The following TMEM89 variants were observed in gnomAD, a reference collection of about 807,000 sequenced individuals.
The protein encoded by TMEM89 is transmembrane protein 89.
In TMEM89, 4 loss-of-function variants were observed where a neutral mutation model predicts 9.3. That is an observed-to-expected ratio of 0.43 (90% confidence interval 0.21 to 0.98). TMEM89 has a LOEUF of 0.98. Among genes scored for constraint, TMEM89 ranks in the 50% least tolerant of loss-of-function variants. The pLI, the probability that TMEM89 is intolerant of heterozygous loss-of-function variation, is 0.27. For synonymous variants in TMEM89, 96 were observed against 92.5 expected (o/e 1.04, Z -0.21); for missense variants, 220 against 214.7 (o/e 1.02, Z -0.15).
rs555650531 is a variant in TMEM89, at chr3:48,621,497, T to G, written c.260A>C (p.Gln87Pro). Residue 87 changes from glutamine (Q) to proline (P), a missense_variant, in exon 1 of 2, where the codon CAG becomes CCG. Transcript: ENST00000330862. The part of the protein sequence containing the change: ...TMLMICRKIL[Q>P]GRRRSQATKG... Reference sequence around the variant, plus strand: ...GGTGGCCTGTGAGCGCCGCCGCCCCTGCAGTATCTTGCGGCAGATCATCAG... The same window carrying G: ...GGTGGCCTGTGAGCGCCGCCGCCCCGGCAGTATCTTGCGGCAGATCATCAG... The G allele has an allele frequency of 1.9e-6, 3 of 1,613,808 alleles. No homozygotes were observed. The highest frequency in any genetic ancestry group is 2.2e-5 in the East Asian group (1 of 44,876).
chr3:48,620,992 C>T lies in TMEM89; in HGVS notation c.330G>A (p.Trp110Ter). 2 of 1,614,118 alleles carry T rather than the reference C, an allele frequency of 1.2e-6. No homozygotes were observed. Among genetic ancestry groups the T allele is most frequent in the Non-Finnish European group, 1.7e-6 (2 of 1,180,026 alleles). Residue 110 changes from tryptophan to a stop codon, truncating the protein, a stop_gained, in exon 2 of 2, where the codon TGG (tryptophan) becomes TGA (stop). Transcript: ENST00000330862. LOFTEE classifies it low-confidence loss of function (END_TRUNC). ...GGTCTGAGATTGGGGCCCGCCGTTT[C>T]CAGGGTCCGCAGGGCTCAGTGGTCA... ...PQVTTEPCGP[W>*]KRRAPISDHT...
chr3:48,620,759 G>A lies in TMEM89; in HGVS notation c.*83C>T. ...TCAGCTGACTCTAAAAGCTGAAAAG[G>A]GACACACGGTCCAGACAGGCCTGGA... On this transcript the variant is annotated 3_prime_UTR_variant, in exon 2 of 2. Coordinates refer to ENST00000330862, the MANE Select transcript of TMEM89 (RefSeq NM_001008269.3). The A allele has an allele frequency of 7.1e-7, 1 of 1,400,160 alleles. No homozygotes were observed. Among genetic ancestry groups the A allele is most frequent in the Admixed American group, 1.7e-5 (1 of 57,888 alleles). 86.7% of individuals were successfully genotyped at this position (1,400,160 alleles called of 1,614,324 possible).
At chr3:48,621,215 CAG>C (rs1275282529) in intron 1 of TMEM89, among the ~76,000 whole-genome samples, 188 bp from the exon 2 acceptor site, 1 of 151,474 alleles carries the variant, frequency 6.6e-6, no homozygotes, top group Non-Finnish European at 1.5e-5. Context: ...ATGGGGCCCA[CAG>C]GGGCTGGATG....
In TMEM89 at chr3:48,621,658, C is replaced by A; in HGVS notation, c.99G>T (p.Leu33=). ...WSRPLWYQVG[L]DLQPWGCQPK... is the part of the protein sequence containing the mutation. ...GCTGACACCCCCAGGGCTGCAAGTC[C>A]AGCCCCACCTGGTACCAGAGGGGTC... The change falls in exon 1 of 2, where the codon CTG becomes CTT. Residue 33 remains leucine, a synonymous_variant. Coordinates refer to ENST00000330862, the MANE Select transcript of TMEM89 (RefSeq NM_001008269.3). 6.2e-7 allele frequency: 1 copy of A among 1,614,002 alleles called. No individual in the cohort carries two copies. The highest frequency in any genetic ancestry group is 8.5e-7 in the Non-Finnish European group (1 of 1,179,998).
rs201447092 is a variant in TMEM89 at position 48,621,509 on chromosome 3, C to T, written c.248G>A (p.Arg83His). The change falls in exon 1 of 2, where the codon CGC becomes CAC. Residue 83 changes from arginine to histidine, a missense_variant. Transcript: ENST00000330862. ...GCGCCGCCGCCCCTGCAGTATCTTG[C>T]GGCAGATCATCAGCATCGTGGTGGT... ...MITTTMLMIC[R>H]KILQGRRRSQ... 7.2e-4 allele frequency: 1,158 copies of T among 1,613,726 alleles called. 2 individuals are homozygous for T. Among genetic ancestry groups the T allele is most frequent in the Non-Finnish European group, 8.7e-4 (1,029 of 1,179,980 alleles).
Position 48,621,625 on chromosome 3 carries a change from A to T in TMEM89, c.132T>A (p.Ser44Arg), listed in dbSNP as rs200864552. ...DLQPWGCQPK[S>R]VEGCRGGLSC... Reference sequence around the variant, plus strand: ...TCAGGCCACCCCTACAGCCCTCCACACTCTTTGGCTGACACCCCCAGGGCT... The same window carrying T: ...TCAGGCCACCCCTACAGCCCTCCACTCTCTTTGGCTGACACCCCCAGGGCT... The change falls in exon 1 of 2, where the codon AGT (serine) becomes AGA (arginine). Residue 44 changes from serine (S) to arginine (R), a missense_variant. By Grantham distance (110) the Ser-to-Arg change is moderately radical. Coordinates refer to ENST00000330862, the MANE Select transcript of TMEM89 (RefSeq NM_001008269.3). 12 of 1,613,568 alleles carry T rather than the reference A, an allele frequency of 7.4e-6. No homozygotes were observed. The East Asian group carries it at 2.7e-4, about 36-fold the overall frequency.
chr3:48,621,400 G>A (rs2046538422), intron 1 of TMEM89, 63 bp downstream of exon 1: 1 of 1,568,452 alleles, frequency 6.4e-7, no homozygotes, highest in Non-Finnish European at 8.6e-7. Context: ...GTGGAAGACG[G>A]GCTCACTGAG....
rs762516206 is a variant in TMEM89, at chr3:48,621,586, G to A, written c.171C>T (p.Tyr57=). ...TGCGGCTTGCTCCAGGGCCCAGCCA[G>A]TAGCCAGGACAGCTCAGGCCACCCC... ...GCRGGLSCPG[Y]WLGPGASRIY... Residue 57 remains tyrosine (Y), a synonymous_variant, in exon 1 of 2, where the codon TAC becomes TAT. Coordinates refer to ENST00000330862, the MANE Select transcript of TMEM89 (RefSeq NM_001008269.3). 6.2e-7 allele frequency: 1 copy of A among 1,613,936 alleles called. No homozygotes were observed. Among genetic ancestry groups the A allele is most frequent in the Non-Finnish European group, 8.5e-7 (1 of 1,180,000 alleles).
At position 48,621,483 on chromosome 3, in the gene TMEM89, A is replaced by G. The variant is rs1306815837; in HGVS notation, c.274T>C (p.Ser92Pro). 1.2e-6 allele frequency: 2 copies of G among 1,613,242 alleles called. No homozygotes were observed. The highest frequency in any genetic ancestry group is 2.2e-5 in the South Asian group (2 of 90,976). ...CTCACCTCACCCTTGGTGGCCTGTG[A>G]GCGCCGCCGCCCCTGCAGTATCTTG... ...CRKILQGRRR[S>P]QATKGEHPQV... The change falls in exon 1 of 2, where the codon TCA becomes CCA. Residue 92 changes from serine to proline, a missense_variant. Ser to Pro is a moderately conservative substitution (Grantham distance 74, BLOSUM62 -1). Coordinates refer to ENST00000330862, the MANE Select transcript of TMEM89 (RefSeq NM_001008269.3).
intron 1 of TMEM89, 89 bp from the exon 2 acceptor site, chr3:48,621,116 G>A: frequency 7.3e-7 from 1 of 1,367,210 alleles, no homozygotes; most frequent in African/African-American, 1.4e-5. Flanking sequence ...GGAGCAGGGA[G>A]TAGGGTGTGG....
rs761852187 is a variant in TMEM89, at chr3:48,621,710, G to A, written c.47C>T (p.Thr16Met). 1.1e-4 allele frequency: 175 copies of A among 1,613,396 alleles called. 1 individual carries two copies. Among genetic ancestry groups the A allele is most frequent in the Admixed American group, 2.5e-4 (15 of 59,958 alleles). Residue 16 changes from threonine to methionine, a missense_variant, in exon 1 of 2, where the codon ACG (threonine) becomes ATG (methionine). Thr to Met is a moderately conservative substitution (Grantham distance 81). Transcript: ENST00000330862. ...CGACCAGGCGTGGGTGGAGGCAGACGTCACCAGCAGGAGCAGCAAAGGCAG... is the reference window on the plus strand; with the variant it reads ...CGACCAGGCGTGGGTGGAGGCAGACATCACCAGCAGGAGCAGCAAAGGCAG... ...ASLPLLLLLV[T>M]SASTHAWSRP...
intron 1 of TMEM89, among the ~76,000 whole-genome samples, 166 bp downstream of exon 1, chr3:48,621,297 G>A (rs73831059): frequency 0.042 from 6,287 of 150,292 alleles, 433 homozygotes; most frequent in African/African-American, 0.14. Context: ...TGGGTTCCAC[G>A]AAGGTGTGTG....
rs867751347 is a variant in TMEM89, at chr3:48,620,959, C to A, written c.363G>T (p.Leu121=). ...KRRAPISDHT[L]LRGVLHMLDA... The stretch of plus-strand genomic sequence containing the variant: ...CCAGCATGTGCAGGACCCCACGGAG[C>A]AGGGTGTGGTCTGAGATTGGGGCCC... The change falls in exon 2 of 2, where the codon CTG becomes CTT. Residue 121 remains leucine (L), a synonymous_variant. Coordinates refer to ENST00000330862, the MANE Select transcript of TMEM89 (RefSeq NM_001008269.3). 1.2e-6 allele frequency: 2 copies of A among 1,614,108 alleles called. No homozygotes were observed. The highest frequency in any genetic ancestry group is 3.3e-5 in the Admixed American group (2 of 60,014).
At position 48,620,825 on chromosome 3, in the gene TMEM89, G is replaced by C. The variant is rs370685375; in HGVS notation, c.*17C>G. On this transcript the variant is annotated 3_prime_UTR_variant, in exon 2 of 2. Transcript: ENST00000330862. ...CCAGGACCTCAGGCTGTCAGGCAAA[G>C]AGAGGCACATGTTCGGTCACCCACT... The C allele has an allele frequency of 3.7e-6, 6 of 1,613,514 alleles. No homozygotes were observed. Among genetic ancestry groups the C allele is most frequent in the Non-Finnish European group, 5.1e-6 (6 of 1,179,450 alleles).
chr3:48,621,551 A>C lies in TMEM89; in HGVS notation c.206T>G (p.Val69Gly), dbSNP rs1434241902. 6.2e-7 allele frequency: 1 copy of C among 1,613,796 alleles called. No homozygotes were observed. Among genetic ancestry groups the C allele is most frequent in the Admixed American group, 1.7e-5 (1 of 60,002 alleles). Residue 69 changes from valine (V) to glycine (G), a missense_variant, in exon 1 of 2, where the codon GTG becomes GGG. Val to Gly is a moderately radical substitution (Grantham distance 109, BLOSUM62 -3). Coordinates refer to ENST00000330862, the MANE Select transcript of TMEM89 (RefSeq NM_001008269.3). ...LGPGASRIYP[V>G]AAVMITTTML... Reference sequence around the variant, plus strand: ...CGTGGTGGTGATCATGACCGCAGCCACGGGGTAGATGCGGCTTGCTCCAGG... The same window carrying C: ...CGTGGTGGTGATCATGACCGCAGCCCCGGGGTAGATGCGGCTTGCTCCAGG...
chr3:48,620,946 G>A lies in TMEM89; in HGVS notation c.376C>T (p.Leu126=), dbSNP rs373558395. 6.2e-7 allele frequency: 1 copy of A among 1,614,092 alleles called. No individual in the cohort carries two copies. The highest frequency in any genetic ancestry group is 8.5e-7 in the Non-Finnish European group (1 of 1,180,052). ...ACCAGGAGGGCATCCAGCATGTGCA[G>A]GACCCCACGGAGCAGGGTGTGGTCT... ...ISDHTLLRGV[L]HMLDALLVHI... Residue 126 remains leucine (L), a synonymous_variant, in exon 2 of 2, where the codon CTG becomes TTG. Transcript: ENST00000330862.
rs1040909275 is a variant in TMEM89 at position 48,621,624 on chromosome 3, C to T, written c.133G>A (p.Val45Met). The T allele has an allele frequency of 3.1e-6, 5 of 1,614,012 alleles. No individual in the cohort carries two copies. Among genetic ancestry groups the T allele is most frequent in the Non-Finnish European group, 4.2e-6 (5 of 1,179,998 alleles). The change falls in exon 1 of 2, where the codon GTG (valine) becomes ATG (methionine). Residue 45 changes from valine to methionine, a missense_variant. Physicochemically the swap from Val to Met is conservative, Grantham distance 21. Coordinates refer to ENST00000330862, the MANE Select transcript of TMEM89 (RefSeq NM_001008269.3). The part of the protein sequence containing the change: ...LQPWGCQPKS[V>M]EGCRGGLSCP... ...CTCAGGCCACCCCTACAGCCCTCCA[C>T]ACTCTTTGGCTGACACCCCCAGGGC...
chr3:48,620,919 G>A lies in TMEM89; in HGVS notation c.403C>T (p.His135Tyr). ...AGATGACGTAGGTGGCCTTCGATGT[G>A]GACCAGGAGGGCATCCAGCATGTGC... ...VLHMLDALLVHIEGHLRHLAT... is the reference protein window; with the variant it reads ...VLHMLDALLVYIEGHLRHLAT... Residue 135 changes from histidine (H) to tyrosine (Y), a missense_variant, in exon 2 of 2, where the codon CAC becomes TAC. Transcript: ENST00000330862. 1 of 1,614,146 alleles carries A rather than the reference G, an allele frequency of 6.2e-7. No homozygotes were observed. Among genetic ancestry groups the A allele is most frequent in the Non-Finnish European group, 8.5e-7 (1 of 1,180,014 alleles).
In TMEM89 at chr3:48,621,544, C is replaced by T. The variant is rs768591356; in HGVS notation, c.213G>A (p.Ala71=). The T allele has an allele frequency of 1.7e-5, 28 of 1,613,714 alleles. No individual in the cohort carries two copies. Among genetic ancestry groups the T allele is most frequent in the African/African-American group, 8.0e-5 (6 of 74,876 alleles). Residue 71 remains alanine (A), a synonymous_variant, in exon 1 of 2, where the codon GCG becomes GCA. Transcript: ENST00000330862. ...PGASRIYPVA[A]VMITTTMLMI... Reference sequence around the variant, plus strand: ...TCAGCATCGTGGTGGTGATCATGACCGCAGCCACGGGGTAGATGCGGCTTG... The same window carrying T: ...TCAGCATCGTGGTGGTGATCATGACTGCAGCCACGGGGTAGATGCGGCTTG...
Sources: gnomAD v4.1 joint callset for allele counts (sites outside exome capture counted in the v4.1 genomes callset) on GRCh38, gnomAD v4.1.1 for gene constraint, MANE v1.5 for transcripts, NCBI Gene and HGNC (gene_info 2026-07-23, HGNC 2026-07-21) for gene names.